The following MCF2L2 variants were observed in gnomAD, a reference collection of about 807,000 sequenced individuals.
MCF2L2 encodes the protein probable guanine nucleotide exchange factor MCF2L2.
A neutral mutation model predicts 150.2 loss-of-function variants in MCF2L2; 102 were observed. That is an observed-to-expected ratio of 0.68 (90% confidence interval 0.58 to 0.80). The LOEUF (loss-of-function observed/expected upper bound fraction) is 0.80. Among genes scored for constraint, MCF2L2 ranks in the 30% least tolerant of loss-of-function variants. The pLI is 0.00. For synonymous variants in MCF2L2, 465 were observed against 491.3 expected (o/e 0.95, Z 0.71); for missense variants, 1,256 against 1,372.8 (o/e 0.91, Z 1.34).
At chr3:183,346,342 G>A (rs1004003824) in intron 3 of MCF2L2, among the ~76,000 whole-genome samples, 2 of 152,084 alleles carry the variant, frequency 1.3e-5, no homozygotes, top group African/African-American at 4.8e-5. Flanking sequence ...ATGCAGAAAA[G>A]CCCTTCGATA....
intron 14 of MCF2L2, among the ~76,000 whole-genome samples, chr3:183,279,421 A>AT (rs1434860799): frequency 6.6e-6 from 1 of 152,208 alleles, no homozygotes; most frequent in Non-Finnish European, 1.5e-5. Context: ...AATTGCTGCC[A>AT]TATTTCTTAG....
intron 27 of MCF2L2, among the ~76,000 whole-genome samples, chr3:183,183,121 G>A (rs990754338): frequency 1.8e-4 from 28 of 152,156 alleles, no homozygotes; most frequent in Non-Finnish European, 3.7e-4. Context: ...TCAGCCTCCT[G>A]AGTAGCTGGG....
chr3:183,347,196 C>A (rs1044797777), intron 3 of MCF2L2, among the ~76,000 whole-genome samples: 5 of 152,012 alleles, frequency 3.3e-5, no homozygotes, highest in African/African-American at 9.7e-5. Flanking sequence ...GGTACTAGTA[C>A]CAAAACAAAT....
intron 1 of MCF2L2, among the ~76,000 whole-genome samples, chr3:183,415,194 T>C (rs1371958072): frequency 6.6e-6 from 1 of 152,106 alleles, no homozygotes; most frequent in Non-Finnish European, 1.5e-5. Flanking sequence ...ACTGAATTTT[T>C]TTTTTTTTGA....
chr3:183,396,090 G>A (rs184443278), intron 1 of MCF2L2, among the ~76,000 whole-genome samples: 1 of 151,712 alleles, frequency 6.6e-6, no homozygotes, highest in African/African-American at 2.4e-5. Context: ...ACACTTGGCT[G>A]CCCTGGGCAC....
chr3:183,261,996 A>G (rs1292793487), intron 15 of MCF2L2, among the ~76,000 whole-genome samples: 4 of 111,988 alleles, frequency 3.6e-5, no homozygotes, highest in Non-Finnish European at 1.6e-5. Context: ...TTGGGCATTC[A>G]TATATATATA....
chr3:183,379,762 G>C lies in MCF2L2; in HGVS notation c.161-351C>G, dbSNP rs1192326530. 2.0e-5 allele frequency among the ~76,000 whole-genome samples: 3 copies of C among 152,080 alleles called. No homozygotes were observed. The East Asian group carries it at 5.8e-4, about 29-fold the overall frequency. On this transcript the variant is annotated intron_variant, in intron 2 of 29. Coordinates refer to ENST00000328913, the MANE Select transcript of MCF2L2 (RefSeq NM_015078.4). ...TAAATGTCAAAAGTAATATTGCATGGTGGTTAAGAGAGTTAACGCTAAAAT... is the reference window on the plus strand; with the variant it reads ...TAAATGTCAAAAGTAATATTGCATGCTGGTTAAGAGAGTTAACGCTAAAAT...
chr3:183,179,191 C>G lies in MCF2L2; in HGVS notation c.*189G>C. On this transcript the variant is annotated 3_prime_UTR_variant, in exon 30 of 30. Coordinates refer to ENST00000328913, the MANE Select transcript of MCF2L2 (RefSeq NM_015078.4). The surrounding 1 kb of genome is among the most constrained non-coding windows in gnomAD (Gnocchi z 4.2). ...GCCTTAGAGCAGCTCCGAGGTCCCCCGTGCGGAGCTAGGCGCGCACCCAGG... is the reference window on the plus strand; with the variant it reads ...GCCTTAGAGCAGCTCCGAGGTCCCCGGTGCGGAGCTAGGCGCGCACCCAGG... 1 of 714,994 alleles carries G rather than the reference C, an allele frequency of 1.4e-6. No individual in the cohort carries two copies. The highest frequency in any genetic ancestry group is 2.0e-6 in the Non-Finnish European group (1 of 497,122). 44.3% of individuals were successfully genotyped at this position (714,994 alleles called of 1,614,324 possible). A position where few individuals can be genotyped will look rare whatever the true frequency, so the allele number is the denominator to read the frequency against.
intron 15 of MCF2L2, among the ~76,000 whole-genome samples, chr3:183,275,661 T>C (rs544325493): frequency 6.6e-6 from 1 of 152,226 alleles, no homozygotes; most frequent in South Asian, 2.1e-4. Context: ...CAGGCTGCAG[T>C]GCAGCTGTGT....
chr3:183,390,371 TCTC>T (rs1258131911), intron 1 of MCF2L2, among the ~76,000 whole-genome samples: 1 of 152,164 alleles, frequency 6.6e-6, no homozygotes, highest in Non-Finnish European at 1.5e-5. Context: ...ATTTAAAGAT[TCTC>T]CTAACTGAAT....
At chr3:183,320,178 C>T (rs995871184) in intron 6 of MCF2L2, among the ~76,000 whole-genome samples, 2 of 151,574 alleles carry the variant, frequency 1.3e-5, no homozygotes, top group East Asian at 1.9e-4. Context: ...CTGCAACCTC[C>T]GCCTCCCGGG....
At chr3:183,306,602 G>C (rs1729111106) in intron 10 of MCF2L2, among the ~76,000 whole-genome samples, 1 of 152,240 alleles carries the variant, frequency 6.6e-6, no homozygotes, top group Admixed American at 6.5e-5. Context: ...ACCCACAGAG[G>C]ATCCACAGGG....
chr3:183,423,902 G>A (rs749083402), intron 1 of MCF2L2, among the ~76,000 whole-genome samples: 5 of 150,670 alleles, frequency 3.3e-5, no homozygotes, highest in Non-Finnish European at 7.4e-5. Context: ...GATTACAGGT[G>A]TGAGCCACTG....
At position 183,338,844 on chromosome 3, in the gene MCF2L2, T is replaced by A. The variant is rs752684995; in HGVS notation, c.442A>T (p.Ile148Phe). 6.2e-7 allele frequency: 1 copy of A among 1,607,534 alleles called. No individual in the cohort carries two copies. Among genetic ancestry groups the A allele is most frequent in the Non-Finnish European group, 8.5e-7 (1 of 1,175,330 alleles). Reference sequence around the variant, plus strand: ...TCATTTCGATAGTATTTAATGCCAATGTCAGTGAATGTCCTCTGGATAAAG... The same window carrying A: ...TCATTTCGATAGTATTTAATGCCAAAGTCAGTGAATGTCCTCTGGATAAAG... ...SRFIQRTFTD[I>F]GIKYYRNEFK... The change falls in exon 5 of 30, where the codon ATT (isoleucine) becomes TTT (phenylalanine). Residue 148 changes from isoleucine to phenylalanine, a missense_variant. By Grantham distance (21) the Ile-to-Phe change is conservative (BLOSUM62 0). Coordinates refer to ENST00000328913, the MANE Select transcript of MCF2L2 (RefSeq NM_015078.4).
intron 1 of MCF2L2, among the ~76,000 whole-genome samples, chr3:183,407,351 A>G (rs1715096507): frequency 6.6e-6 from 1 of 152,228 alleles, no homozygotes; most frequent in Admixed American, 6.5e-5. Flanking sequence ...TTTGCCTACT[A>G]TAGTATCTCT....
intron 1 of MCF2L2, among the ~76,000 whole-genome samples, chr3:183,425,124 T>C (rs950501222): frequency 1.3e-5 from 2 of 151,546 alleles, no homozygotes; most frequent in Admixed American, 6.6e-5. Context: ...TAAAAGGAAA[T>C]GAAGTCCTGA....
intron 3 of MCF2L2, among the ~76,000 whole-genome samples, chr3:183,369,059 A>T (rs1712704056): frequency 6.6e-6 from 1 of 152,226 alleles, no homozygotes; most frequent in Non-Finnish European, 1.5e-5. Flanking sequence ...AATAGTAAAT[A>T]ATAGTAAAAA....
chr3:183,276,770 T>C, intron 15 of MCF2L2, 102 bp downstream of exon 15: 1 of 770,600 alleles, frequency 1.3e-6, no homozygotes, highest in Middle Eastern at 2.3e-4. Flanking sequence ...ATATTATGAT[T>C]CTTATCTGGG....
At chr3:183,317,772 A>G (rs148718372) in intron 7 of MCF2L2, among the ~76,000 whole-genome samples, 2 of 152,198 alleles carry the variant, frequency 1.3e-5, no homozygotes, top group East Asian at 3.9e-4. Flanking sequence ...GCTCACCCGG[A>G]CAAAGCTGGA....
Sources: gnomAD v4.1 joint callset for allele counts (sites outside exome capture counted in the v4.1 genomes callset) on GRCh38, gnomAD v4.1.1 for gene constraint, Gnocchi (gnomAD v3.1) non-coding constraint, MANE v1.5 for transcripts, NCBI Gene and HGNC (gene_info 2026-07-23, HGNC 2026-07-21) for gene names.